USP5: variants seen among roughly 807,000 people sequenced by gnomAD.
USP5 encodes the protein ubiquitin carboxyl-terminal hydrolase 5.
USP5 carries 24 observed loss-of-function variants against 102.5 expected under a neutral mutation model. The observed-to-expected ratio is 0.23, with a 90% CI of 0.17 to 0.33. The LOEUF (loss-of-function observed/expected upper bound fraction) is 0.33, where lower values mean the gene tolerates loss of function less well. Among genes scored for constraint, USP5 ranks in the 10% least tolerant of loss-of-function variants. The probability of loss-of-function intolerance (pLI) is 1.00; values close to 1 mark genes in which losing one functional copy is unlikely to be tolerated. For synonymous variants in USP5, 460 were observed against 434.8 expected (o/e 1.06, Z -0.72); for missense variants, 753 against 1,122.1 (o/e 0.67, Z 4.70).
Position 6,861,753 on chromosome 12 carries a change from G to GC in USP5, c.1673+139dup. ...TTGAATCAGTTGGGCTGGTAATCTG[G>GC]CCCTGATGGAACCAAGGGGCCCTGG... On this transcript the variant is annotated intron_variant, in intron 13 of 19. Transcript: ENST00000229268. The surrounding 1 kb of genome is among the most constrained non-coding windows in gnomAD (Gnocchi z 4.9). 2.9e-6 allele frequency: 3 copies of GC among 1,046,278 alleles called. No homozygotes were observed. Among genetic ancestry groups the GC allele is most frequent in the Non-Finnish European group, 3.8e-6 (3 of 787,800 alleles). The allele number at this position is 1,046,278 out of a possible 1,614,324, so 64.8% of individuals were successfully genotyped here.
In USP5 at chr12:6,856,915, ACT is replaced by A; in HGVS notation, c.769+28_769+29del. On this transcript the variant is annotated intron_variant, in intron 6 of 19. Coordinates refer to ENST00000229268, the MANE Select transcript of USP5 (RefSeq NM_001098536.2). The surrounding 1 kb of genome is among the most constrained non-coding windows in gnomAD (Gnocchi z 5.6). ...TGGTACAGCCTCCCCTCCTCCAGCC[ACT>A]CTCATGCTTAAATATATTTCATTTG... is the stretch of plus-strand genomic sequence containing the variant. 1.2e-6 allele frequency: 2 copies of A among 1,607,034 alleles called. No homozygotes were observed. Among genetic ancestry groups the A allele is most frequent in the South Asian group, 1.1e-5 (1 of 90,908 alleles).
Position 6,863,027 on chromosome 12 carries a change from G to C in USP5, c.1763-159G>C, listed in dbSNP as rs1419462647. The C allele has an allele frequency of 1.8e-5, 12 of 660,438 alleles. No individual in the cohort carries two copies. The Admixed American group carries it at 3.1e-4, about 17-fold the overall frequency. The allele number at this position is 660,438 out of a possible 1,614,324, so 40.9% of individuals were successfully genotyped here. On this transcript the variant is annotated intron_variant, in intron 14 of 19. Coordinates refer to ENST00000229268, the MANE Select transcript of USP5 (RefSeq NM_001098536.2). The surrounding 1 kb of genome is among the most constrained non-coding windows in gnomAD (Gnocchi z 4.7). ...CCTGGCCTCCCAACTCCCAGGCTTA[G>C]TATTATTTGTCTTATACTGGGACCC...
At position 6,863,921 on chromosome 12, in the gene USP5, C is replaced by T; in HGVS notation, c.2046C>T (p.Asn682=). 1 of 1,610,780 alleles carries T rather than the reference C, an allele frequency of 6.2e-7. No homozygotes were observed. The highest frequency in any genetic ancestry group is 1.3e-5 in the African/African-American group (1 of 74,968). The change falls in exon 16 of 20, where the codon AAC becomes AAT. Residue 682 remains asparagine (N), a synonymous_variant. Coordinates refer to ENST00000229268, the MANE Select transcript of USP5 (RefSeq NM_001098536.2). The surrounding 1 kb of genome is among the most constrained non-coding windows in gnomAD (Gnocchi z 4.7). ...GCAAAGCTGTCTACTACACGGGCAA[C>T]AGCGGGGCTGAGGCCGCCATGAACT... The part of the protein sequence containing the change: ...ACRKAVYYTG[N]SGAEAAMNWV...
At chr12:6,865,126 TTC>T (rs1202650883) in intron 18 of USP5, 36 bp from the exon 19 acceptor site, 1 of 1,558,386 alleles carries the variant, frequency 6.4e-7, no homozygotes, top group Non-Finnish European at 8.8e-7. Context: ...AGCATTCCTC[TTC>T]TGTTTCCTTC....
At chr12:6,859,381 G>C (rs988906609) in intron 8 of USP5, 89 bp from the exon 9 acceptor site, 17 of 1,359,402 alleles carry the variant, frequency 1.3e-5, no homozygotes, top group Non-Finnish European at 1.6e-5. Context: ...AGGGGAGCCC[G>C]TTCACAGAGT....
In USP5 at chr12:6,857,593, C is replaced by T. The variant is rs1944154815; in HGVS notation, c.770-36C>T. ...GATGGTGGCCTGGCTAGTCCTGAGC[C>T]ACTTCCCCTGATTCTCTTCCTGCCT... is the stretch of plus-strand genomic sequence containing the variant. On this transcript the variant is annotated intron_variant, in intron 6 of 19. Transcript: ENST00000229268. The T allele has an allele frequency of 2.5e-6, 4 of 1,591,190 alleles. No homozygotes were observed. In the African/African-American group the frequency reaches 4.0e-5, roughly 16 times the overall value.
At chr12:6,862,138 T>C (rs1555129696) in intron 13 of USP5, among the ~76,000 whole-genome samples, 1 of 151,000 alleles carries the variant, frequency 6.6e-6, no homozygotes, top group Non-Finnish European at 1.5e-5. Context: ...TACGTGTGGG[T>C]CTTGCTATGT....
At position 6,855,615 on chromosome 12, in the gene USP5, T is replaced by C. The variant is rs1443662019; in HGVS notation, c.237+89T>C. 1.3e-6 allele frequency: 2 copies of C among 1,589,960 alleles called. No individual in the cohort carries two copies. The highest frequency in any genetic ancestry group is 2.7e-5 in the African/African-American group (2 of 73,772). On this transcript the variant is annotated intron_variant, in intron 2 of 19. Transcript: ENST00000229268. This position sits in a 1 kb window ranked among gnomAD's most constrained non-coding sequence, Gnocchi z 4.6. ...CTCAGTTTCTTTTTTTCACCTACTT[T>C]TGTGTCATTAAAGCTTGGCACAGAT...
chr12:6,863,477 C>T lies in USP5; in HGVS notation c.1954+100C>T. 2 of 1,404,084 alleles carry T rather than the reference C, an allele frequency of 1.4e-6. No individual in the cohort carries two copies. Among genetic ancestry groups the T allele is most frequent in the East Asian group, 4.6e-5 (2 of 43,302 alleles). The allele number at this position is 1,404,084 out of a possible 1,614,324, so 87.0% of individuals were successfully genotyped here. ...GTCCTTTGTGTTTCTCCTGTCCTCCCTTTCAAATTTCCTCTGCCCTCTTTG... is the reference window on the plus strand; with the variant it reads ...GTCCTTTGTGTTTCTCCTGTCCTCCTTTTCAAATTTCCTCTGCCCTCTTTG... On this transcript the variant is annotated intron_variant, in intron 15 of 19. Coordinates refer to ENST00000229268, the MANE Select transcript of USP5 (RefSeq NM_001098536.2). This position sits in a 1 kb window ranked among gnomAD's most constrained non-coding sequence, Gnocchi z 4.7.
Position 6,864,969 on chromosome 12 carries a change from G to A in USP5, c.2398+94G>A, listed in dbSNP as rs1425443819. 6.6e-7 allele frequency: 1 copy of A among 1,508,750 alleles called. No individual in the cohort carries two copies. The highest frequency in any genetic ancestry group is 2.0e-5 in the Admixed American group (1 of 50,040). The allele number at this position is 1,508,750 out of a possible 1,614,324, so 93.5% of individuals were successfully genotyped here. On this transcript the variant is annotated intron_variant, in intron 18 of 19. Transcript: ENST00000229268. This position sits in a 1 kb window ranked among gnomAD's most constrained non-coding sequence, Gnocchi z 4.8. ...TCAGGCAGCTCTGCCCTCCTCAGGA[G>A]TCAGGGGCTTCTTTCCACCTCAACG...
In USP5 at chr12:6,861,480, C is replaced by G; in HGVS notation, c.1536C>G (p.Ala512=). 1 of 1,589,450 alleles carries G rather than the reference C, an allele frequency of 6.3e-7. No individual in the cohort carries two copies. The highest frequency in any genetic ancestry group is 1.1e-5 in the South Asian group (1 of 89,792). ...AGTACGAGGAGAAGAAGCGGCAAGC[C>G]GAAGAGGAGAAGATGGCACTGCCAG... ...LLEYEEKKRQ[A]EEEKMALPEL... is the part of the protein sequence containing the mutation. The change falls in exon 13 of 20, where the codon GCC becomes GCG. Residue 512 remains alanine (A), a synonymous_variant. Transcript: ENST00000229268. This position sits in a 1 kb window ranked among gnomAD's most constrained non-coding sequence, Gnocchi z 4.9.
At position 6,856,418 on chromosome 12, in the gene USP5, G is replaced by T. The variant is rs575404753; in HGVS notation, c.552G>T (p.Lys184Asn). The change falls in exon 5 of 20, where the codon AAG becomes AAT. Residue 184 changes from lysine to asparagine, a missense_variant. Around this residue, in one of 3 missense-constraint regions of USP5, gnomAD observed 527 missense variants for 816.5 expected, o/e 0.65. Transcript: ENST00000229268. The surrounding 1 kb of genome is among the most constrained non-coding windows in gnomAD (Gnocchi z 5.6). Reference sequence around the variant, plus strand: ...TGTCTAAGCATGCCTTCAGCCTCAAGCAGTTGGACAACCCTGCTCGAATCC... The same window carrying T: ...TGTCTAAGCATGCCTTCAGCCTCAATCAGTTGGACAACCCTGCTCGAATCC... ...RQVSKHAFSLKQLDNPARIPP... is the reference protein window; with the variant it reads ...RQVSKHAFSLNQLDNPARIPP... The T allele has an allele frequency of 3.1e-6, 5 of 1,613,534 alleles. No individual in the cohort carries two copies. The highest frequency in any genetic ancestry group is 2.5e-6 in the Non-Finnish European group (3 of 1,179,790).
At chr12:6,853,378 T>A (rs1555127464) in intron 1 of USP5, among the ~76,000 whole-genome samples, 1 of 152,260 alleles carries the variant, frequency 6.6e-6, no homozygotes, top group Non-Finnish European at 1.5e-5. Context: ...CTTGGTTTGC[T>A]AGGCTTTGAT....
At chr12:6,857,918 G>T (rs1218321103) in intron 7 of USP5, among the ~76,000 whole-genome samples, 195 bp downstream of exon 7, 2 of 152,250 alleles carry the variant, frequency 1.3e-5, no homozygotes, top group Non-Finnish European at 2.9e-5. Flanking sequence ...GCTAGAGGCT[G>T]TGTGAATAAG....
chr12:6,860,595 A>G lies in USP5; in HGVS notation c.1344+104A>G. 6.4e-7 allele frequency: 1 copy of G among 1,551,168 alleles called. No homozygotes were observed. The highest frequency in any genetic ancestry group is 8.7e-7 in the Non-Finnish European group (1 of 1,146,554). ...AGCCCCAACCCAGTCCCATCCCTGAACCCCAACAGTCTGTGTCCCTGTGAA... is the reference window on the plus strand; with the variant it reads ...AGCCCCAACCCAGTCCCATCCCTGAGCCCCAACAGTCTGTGTCCCTGTGAA... On this transcript the variant is annotated intron_variant, in intron 11 of 19. Coordinates refer to ENST00000229268, the MANE Select transcript of USP5 (RefSeq NM_001098536.2). This position sits in a 1 kb window ranked among gnomAD's most constrained non-coding sequence, Gnocchi z 5.5.
chr12:6,861,096 C>T lies in USP5; in HGVS notation c.1488C>T (p.Ala496=). 1 of 1,614,134 alleles carries T rather than the reference C, an allele frequency of 6.2e-7. No homozygotes were observed. The highest frequency in any genetic ancestry group is 8.5e-7 in the Non-Finnish European group (1 of 1,180,010). ...IMQLPVPMDA[A]LNKEELLEYE... The stretch of plus-strand genomic sequence containing the variant: ...AGCTGCCTGTGCCCATGGATGCAGC[C>T]CTTAACAAAGGTAGGCTGCTCCATC... The change falls in exon 12 of 20, where the codon GCC becomes GCT. Residue 496 remains alanine, a synonymous_variant. Coordinates refer to ENST00000229268, the MANE Select transcript of USP5 (RefSeq NM_001098536.2). This position sits in a 1 kb window ranked among gnomAD's most constrained non-coding sequence, Gnocchi z 4.9.
In USP5 at chr12:6,860,251, C is replaced by T. The variant is rs782455703; in HGVS notation, c.1218+13C>T. On this transcript the variant is annotated intron_variant, in intron 10 of 19. Transcript: ENST00000229268. This position sits in a 1 kb window ranked among gnomAD's most constrained non-coding sequence, Gnocchi z 5.5. The stretch of plus-strand genomic sequence containing the variant: ...GCCAGAACAGAAGGTGCGTCTAGGA[C>T]CCTGTCCCTTTCAGGCCCTGGGATT... 1 of 1,611,406 alleles carries T rather than the reference C, an allele frequency of 6.2e-7. No homozygotes were observed. The highest frequency in any genetic ancestry group is 2.2e-5 in the East Asian group (1 of 44,840).
At chr12:6,852,315 A>G (rs782391152) in intron 1 of USP5, 25 bp downstream of exon 1, 1 of 1,587,116 alleles carries the variant, frequency 6.3e-7, no homozygotes, top group Non-Finnish European at 8.6e-7. Context: ...CACGCCCGCA[A>G]CGAGCACGAC....
rs782626601 is a variant in USP5, at chr12:6,860,797, A to AG, written c.1345-152dup. Among the ~76,000 whole-genome samples, 30 of 152,156 alleles carry AG rather than the reference A, an allele frequency of 2.0e-4. No homozygotes were observed. In the South Asian group the frequency reaches 3.9e-3, roughly 20 times the overall value. ...TGCAGGGATGGGGCCAGAAATGGGGAGGGGTTGGTGAATTAGGGAAGGTTT... is the reference window on the plus strand; with the variant it reads ...TGCAGGGATGGGGCCAGAAATGGGGAGGGGGTTGGTGAATTAGGGAAGGTTT... On this transcript the variant is annotated intron_variant, in intron 11 of 19. Transcript: ENST00000229268. This position sits in a 1 kb window ranked among gnomAD's most constrained non-coding sequence, Gnocchi z 5.5.
Sources: gnomAD v4.1 joint callset for allele counts (sites outside exome capture counted in the v4.1 genomes callset) on GRCh38, gnomAD v4.1.1 for gene constraint, gnomAD v4.1.1 regional missense constraint, Gnocchi (gnomAD v3.1) non-coding constraint, MANE v1.5 for transcripts, NCBI Gene and HGNC (gene_info 2026-07-23, HGNC 2026-07-21) for gene names.